The following AASDH variants were observed in gnomAD, a reference collection of about 807,000 sequenced individuals.
The protein encoded by AASDH is aminoadipate-semialdehyde dehydrogenase, also known as beta-alanine-activating enzyme.
In AASDH, 81 loss-of-function variants were observed where a neutral mutation model predicts 102.3. That is an observed-to-expected ratio of 0.79 (90% CI 0.66 to 0.95). The LOEUF (loss-of-function observed/expected upper bound fraction) is 0.95, where lower values mean the gene tolerates loss of function less well. Among genes scored for constraint, AASDH ranks in the 40% least tolerant of loss-of-function variants. The pLI, the probability that AASDH is intolerant of heterozygous loss-of-function variation, is 0.00. For missense variants in AASDH, 1,203 were observed against 1,266.2 expected, an observed-to-expected ratio of 0.95 and a Z score of 0.76; for synonymous variants, 398 against 454.0, an observed-to-expected ratio of 0.88 and a Z score of 1.57.
chr4:56,348,492 C>T (rs1487974781), intron 11 of AASDH, among the ~76,000 whole-genome samples: 2 of 152,076 alleles, frequency 1.3e-5, no homozygotes, highest in African/African-American at 4.8e-5. Context: ...TGGGCACAAG[C>T]GATCTGTCCA....
chr4:56,347,438 A>G (rs544362662), intron 11 of AASDH, among the ~76,000 whole-genome samples: 10 of 152,354 alleles, frequency 6.6e-5, no homozygotes, highest in African/African-American at 2.2e-4. Flanking sequence ...TGAAGATTCC[A>G]TGAGCGTATA....
At position 56,350,078 on chromosome 4, in the gene AASDH, G is replaced by C; in HGVS notation, c.1693-20C>G. On this transcript the variant is annotated intron_variant, in intron 10 of 14. Transcript: ENST00000205214. ...AGTAGACTACAGATGAGAGAATAGA[G>C]AAATATGTGACGTAAAGGTCTAAAA... The C allele has an allele frequency of 6.5e-7, 1 of 1,537,944 alleles. No homozygotes were observed. Among genetic ancestry groups the C allele is most frequent in the Non-Finnish European group, 8.7e-7 (1 of 1,154,040 alleles).
chr4:56,359,665 T>C (rs1750070188), intron 5 of AASDH, among the ~76,000 whole-genome samples: 2 of 151,680 alleles, frequency 1.3e-5, no homozygotes, highest in African/African-American at 4.8e-5. Context: ...TTCAAGCGAT[T>C]CTCCTGCCTC....
chr4:56,372,658 A>G (rs774441065), intron 4 of AASDH, among the ~76,000 whole-genome samples: 27 of 152,088 alleles, frequency 1.8e-4, no homozygotes, highest in Non-Finnish European at 2.5e-4. Flanking sequence ...ATGGTGTCTC[A>G]GGTAAAATAA....
rs1751950279 is a variant in AASDH, at chr4:56,373,212, T to TCC, written c.669-1570_669-1569insGG. On this transcript the variant is annotated intron_variant, in intron 4 of 14. Coordinates refer to ENST00000205214, the MANE Select transcript of AASDH (RefSeq NM_181806.4). The stretch of plus-strand genomic sequence containing the variant: ...TGGAGTGCAGTGGCATGATCTCGGC[T>TCC]CACTGCAACCTCTGCCTCCCAAGTT... Among the ~76,000 whole-genome samples, 3 of 152,308 alleles carry TCC rather than the reference T, an allele frequency of 2.0e-5. No individual in the cohort carries two copies. The East Asian group carries it at 5.8e-4, about 29-fold the overall frequency.
chr4:56,369,576 A>T (rs1751449878), intron 5 of AASDH, among the ~76,000 whole-genome samples: 1 of 152,212 alleles, frequency 6.6e-6, no homozygotes, highest in African/African-American at 2.4e-5. Context: ...CAGAAGTTTA[A>T]TATCCTCTCA....
intron 14 of AASDH, among the ~76,000 whole-genome samples, chr4:56,339,085 C>G (rs190244294): frequency 9.9e-5 from 15 of 152,224 alleles, no homozygotes; most frequent in Admixed American, 9.8e-4. Context: ...TAGTATTATT[C>G]AGAGACACTG....
At position 56,338,649 on chromosome 4, in the gene AASDH, G is replaced by T; in HGVS notation, c.3050C>A (p.Thr1017Asn). The change falls in exon 15 of 15, where the codon ACT becomes AAT. Residue 1017 changes from threonine to asparagine, a missense_variant. Physicochemically the swap from Thr to Asn is moderately conservative, Grantham distance 65. Transcript: ENST00000205214. ...KGHLQWKFETTSRVYATPFAF... is the reference protein window; with the variant it reads ...KGHLQWKFETNSRVYATPFAF... ...AAACGGTGTTGCATAGACCCTTGAA[G>T]TAGTTTCAAATTTCCACTGCAGGTG... 2 of 1,614,184 alleles carry T rather than the reference G, an allele frequency of 1.2e-6. No individual in the cohort carries two copies. Among genetic ancestry groups the T allele is most frequent in the East Asian group, 4.5e-5 (2 of 44,884 alleles).
chr4:56,349,982 A>C lies in AASDH; in HGVS notation c.1769T>G (p.Leu590Ter). 1.2e-6 allele frequency: 2 copies of C among 1,612,960 alleles called. No homozygotes were observed. The highest frequency in any genetic ancestry group is 4.5e-5 in the East Asian group (2 of 44,874). Residue 590 changes from leucine (L) to a stop codon, truncating the protein, a stop_gained, in exon 11 of 15, where the codon TTA becomes TGA. Coordinates refer to ENST00000205214, the MANE Select transcript of AASDH (RefSeq NM_181806.4). LOFTEE classifies it high-confidence loss of function. ...SLFLNSGGDSLKSIRLLSEIE... is the reference protein window; with the variant it reads ...SLFLNSGGDS ...CTCACTGAGGAGCCGGATGGACTTT[A>C]AGGAATCTCCACCACTATTTAAGAA... is the stretch of plus-strand genomic sequence containing the variant.
chr4:56,365,893 G>C (rs1183204282), intron 5 of AASDH, among the ~76,000 whole-genome samples: 1 of 152,124 alleles, frequency 6.6e-6, no homozygotes, highest in Non-Finnish European at 1.5e-5. Context: ...AGGAAATAGA[G>C]ACACAAAAAT....
At chr4:56,339,186 C>G (rs1747315307) in intron 14 of AASDH, among the ~76,000 whole-genome samples, 1 of 151,298 alleles carries the variant, frequency 6.6e-6, no homozygotes, top group East Asian at 2.0e-4. Context: ...TGGAGTCTTG[C>G]TCTGTCGCCC....
chr4:56,374,717 T>C lies in AASDH; in HGVS notation c.669-3074A>G, dbSNP rs190843328. ...TCCGTTTCTTTTGTAAACTGCTATA[T>C]GCACAGGAATAAACTTTTTTTCTTA... On this transcript the variant is annotated intron_variant, in intron 4 of 14. Transcript: ENST00000205214. 1.5e-3 allele frequency among the ~76,000 whole-genome samples: 233 copies of C among 152,328 alleles called. 1 individual carries two copies. The highest frequency in any genetic ancestry group is 5.3e-3 in the African/African-American group (219 of 41,570).
chr4:56,357,064 T>A (rs1204413087), intron 5 of AASDH: 1 of 297,698 alleles, frequency 3.4e-6, no homozygotes, highest in African/African-American at 2.2e-5. Flanking sequence ...AACTGACATA[T>A]AATAAACTAT....
chr4:56,338,338 A>G lies in AASDH; in HGVS notation c.*64T>C, dbSNP rs1201925920. 1.3e-6 allele frequency: 2 copies of G among 1,520,332 alleles called. No homozygotes were observed. Among genetic ancestry groups the G allele is most frequent in the Non-Finnish European group, 1.8e-6 (2 of 1,118,932 alleles). The allele number at this position is 1,520,332 out of a possible 1,614,324, so 94.2% of individuals were successfully genotyped here. A position where few individuals can be genotyped will look rare whatever the true frequency, so the allele number is the denominator to read the frequency against. On this transcript the variant is annotated 3_prime_UTR_variant, in exon 15 of 15. Coordinates refer to ENST00000205214, the MANE Select transcript of AASDH (RefSeq NM_181806.4). The stretch of plus-strand genomic sequence containing the variant: ...CTTTAATATAAAATAAGTCCACATG[A>G]TGTATAATGGTAAAATATTTTCAAA...
At position 56,338,308 on chromosome 4, in the gene AASDH, A is replaced by ATCT. The variant is rs202141273; in HGVS notation, c.*91_*93dup. The ATCT allele has an allele frequency of 6.6e-6, 7 of 1,054,114 alleles. No individual in the cohort carries two copies. In the Admixed American group the frequency reaches 8.6e-5, roughly 13 times the overall value. The allele number at this position is 1,054,114 out of a possible 1,614,324, so 65.3% of individuals were successfully genotyped here. On this transcript the variant is annotated 3_prime_UTR_variant, in exon 15 of 15. Transcript: ENST00000205214. Reference sequence around the variant, plus strand: ...GTTTCCGTTTCTTAGCCAAAATATAATCTTCTTTAATATAAAATAAGTCCA... The same window carrying ATCT: ...GTTTCCGTTTCTTAGCCAAAATATAATCTTCTTCTTTAATATAAAATAAGTCCA...
intron 1 of AASDH, among the ~76,000 whole-genome samples, 166 bp downstream of exon 1, chr4:56,387,196 G>A (rs905741176): frequency 3.9e-5 from 6 of 152,160 alleles, no homozygotes; most frequent in Non-Finnish European, 7.4e-5. Flanking sequence ...CACAGGTCAG[G>A]GTTAGTCTGC....
At chr4:56,378,504 T>C (rs758937660) in intron 3 of AASDH, 40 bp from the exon 4 acceptor site, 18 of 1,422,122 alleles carry the variant, frequency 1.3e-5, no homozygotes, top group Non-Finnish European at 1.7e-5. Context: ...TATTAGTATG[T>C]TAAAAGATAT....
intron 11 of AASDH, among the ~76,000 whole-genome samples, chr4:56,346,829 G>GC (rs1748381371): frequency 6.6e-6 from 1 of 152,052 alleles, no homozygotes; most frequent in South Asian, 2.1e-4. Context: ...GATCGCTTGA[G>GC]CCCAGGAGTT....
At position 56,338,442 on chromosome 4, in the gene AASDH, T is replaced by G. The variant is rs1282779000; in HGVS notation, c.3257A>C (p.Tyr1086Ser). Reference sequence around the variant, plus strand: ...ACCCAATAAATCCAGACAATAAACATAATTATCTCTACACCCAATAATGAG... The same window carrying G: ...ACCCAATAAATCCAGACAATAAACAGAATTATCTCTACACCCAATAATGAG... ...SMLIIGCRDN[Y>S]VYCLDLLGGN... Residue 1086 changes from tyrosine (Y) to serine (S), a missense_variant, in exon 15 of 15, where the codon TAT becomes TCT. Tyr to Ser is a moderately radical substitution (Grantham distance 144). Coordinates refer to ENST00000205214, the MANE Select transcript of AASDH (RefSeq NM_181806.4). 1 of 1,613,926 alleles carries G rather than the reference T, an allele frequency of 6.2e-7. No homozygotes were observed. The highest frequency in any genetic ancestry group is 1.7e-5 in the Admixed American group (1 of 60,014).
Sources: allele counts gnomAD v4.1 joint callset (sites outside exome capture counted in the v4.1 genomes callset), GRCh38; gene constraint gnomAD v4.1.1; transcripts MANE v1.5; gene names NCBI Gene and HGNC (gene_info 2026-07-23, HGNC 2026-07-21).